Variants in CCT5 observed in about 807,000 individuals in gnomAD.
The protein encoded by CCT5 is T-complex protein 1 subunit epsilon.
Under a neutral mutation model 55.0 loss-of-function variants are expected in CCT5, and 6 were observed. The observed-to-expected ratio is 0.11, with a 90% CI of 0.06 to 0.22. The LOEUF (loss-of-function observed/expected upper bound fraction) is 0.22, where lower values mean the gene tolerates loss of function less well. Among genes scored for constraint, CCT5 ranks in the 10% least tolerant of loss-of-function variants. The pLI, the probability that CCT5 is intolerant of heterozygous loss-of-function variation, is 1.00. For missense variants in CCT5, 560 were observed against 694.6 expected, an observed-to-expected ratio of 0.81 and a Z score of 2.18; for synonymous variants, 231 against 243.7, an observed-to-expected ratio of 0.95 and a Z score of 0.49.
intron 9 of CCT5, 149 bp from the exon 10 acceptor site, chr5:10,262,985 T>C (rs1746040262): frequency 2.7e-6 from 2 of 730,330 alleles, no homozygotes; most frequent in Non-Finnish European, 4.8e-6. Flanking sequence ...CATTATAATA[T>C]TCTGATAGAT....
chr5:10,250,042 A>AGTGG, upstream of CCT5: 1 of 1,542,274 alleles, frequency 6.5e-7, no homozygotes, highest in South Asian at 1.2e-5. Context: ...AGAAACTATC[A>AGTGG]GTGGTAACGT....
chr5:10,259,285 G>C (rs2438654), intron 6 of CCT5, among the ~76,000 whole-genome samples: 112,342 of 152,144 alleles, frequency 0.74, 43,691 homozygotes, highest in East Asian at 0.87. Context: ...TTTGGGGGCT[G>C]CGTCCTTGGG....
Position 10,265,038 on chromosome 5 carries a change from G to A in CCT5, c.*255G>A. On this transcript the variant is annotated 3_prime_UTR_variant, in exon 11 of 11. Coordinates refer to ENST00000280326, the MANE Select transcript of CCT5 (RefSeq NM_012073.5). ...ACCTTTATCTTCTCTTCGGGTTTAA[G>A]AAACGTTTATTGTAACAGTAATTAA... 1 of 429,920 alleles carries A rather than the reference G, an allele frequency of 2.3e-6. No individual in the cohort carries two copies. Among genetic ancestry groups the A allele is most frequent in the Non-Finnish European group, 4.2e-6 (1 of 239,056 alleles). 26.6% of individuals were successfully genotyped at this position (429,920 alleles called of 1,614,324 possible). A position where few individuals can be genotyped will look rare whatever the true frequency, so the allele number is the denominator to read the frequency against.
At chr5:10,255,014 G>T in intron 3 of CCT5, 176 bp downstream of exon 3, 1 of 633,138 alleles carries the variant, frequency 1.6e-6, no homozygotes, top group Non-Finnish European at 2.8e-6. Flanking sequence ...TGTTACAAAA[G>T]AACAGAAAGA....
chr5:10,250,594 C>T (rs976065396), intron 1 of CCT5, 149 bp downstream of exon 1: 5 of 1,476,144 alleles, frequency 3.4e-6, no homozygotes, highest in South Asian at 2.7e-5. Flanking sequence ...GGCCGCTCAG[C>T]CCGCTTACTG....
Position 10,260,931 on chromosome 5 carries a change from G to T in CCT5, c.993+20G>T. On this transcript the variant is annotated intron_variant, in intron 7 of 10. Transcript: ENST00000280326. ...ATTGAGGTAGGATGTTCCACGTGAAGAGACTTTGAGAAGTAGGGGTTCATC... is the reference window on the plus strand; with the variant it reads ...ATTGAGGTAGGATGTTCCACGTGAATAGACTTTGAGAAGTAGGGGTTCATC... The T allele has an allele frequency of 6.2e-7, 1 of 1,613,686 alleles. No homozygotes were observed. Among genetic ancestry groups the T allele is most frequent in the Non-Finnish European group, 8.5e-7 (1 of 1,179,686 alleles).
intron 7 of CCT5, 134 bp downstream of exon 7, chr5:10,261,045 G>C: frequency 1.1e-6 from 1 of 901,654 alleles, no homozygotes; most frequent in Non-Finnish European, 1.9e-6. Context: ...AGCTGGGAGA[G>C]AGGAAAGCGC....
At position 10,256,104 on chromosome 5, in the gene CCT5, G is replaced by A. The variant is rs1407512090; in HGVS notation, c.481G>A (p.Asp161Asn). ...ISDSVLVDIK[D>N]TEPLIQTAKT... is the part of the protein sequence containing the mutation. ...CGATAGCGTCCTTGTTGACATAAAGGACACCGAACCCCTGATTCAGACAGC... is the reference window on the plus strand; with the variant it reads ...CGATAGCGTCCTTGTTGACATAAAGAACACCGAACCCCTGATTCAGACAGC... Residue 161 changes from aspartate to asparagine, a missense_variant, in exon 4 of 11, where the codon GAC becomes AAC. Asp to Asn is a conservative substitution (Grantham distance 23). Coordinates refer to ENST00000280326, the MANE Select transcript of CCT5 (RefSeq NM_012073.5). The A allele has an allele frequency of 3.1e-6, 5 of 1,613,796 alleles. No individual in the cohort carries two copies. The highest frequency in any genetic ancestry group is 2.2e-5 in the East Asian group (1 of 44,900).
At chr5:10,257,917 C>T in intron 4 of CCT5, 194 bp from the exon 5 acceptor site, 1 of 626,856 alleles carries the variant, frequency 1.6e-6, no homozygotes, top group Non-Finnish European at 2.8e-6. Context: ...GTATACAGTC[C>T]CCTTTAGGGC....
At position 10,261,554 on chromosome 5, in the gene CCT5, A is replaced by C. The variant is rs539339127; in HGVS notation, c.994-6A>C. On this transcript the variant is annotated splice_region_variant and splice_polypyrimidine_tract_variant and intron_variant, in intron 7 of 10. Transcript: ENST00000280326. The stretch of plus-strand genomic sequence containing the variant: ...CTTCATCCTTCTCCCTGACCACCCC[A>C]ATTAGCTGATTGCCATCGCAACAGG... The C allele has an allele frequency of 5.0e-6, 8 of 1,613,924 alleles. No individual in the cohort carries two copies. In the South Asian group the frequency reaches 8.8e-5, roughly 18 times the overall value.
chr5:10,254,658 A>G lies in CCT5; in HGVS notation c.167-16A>G, dbSNP rs551853603. The G allele has an allele frequency of 2.9e-5, 46 of 1,613,364 alleles. 1 individual carries two copies. In the East Asian group the frequency reaches 8.9e-4, roughly 31 times the overall value. ...GCCAGTTTTTTGCGCAAAGCCTACT[A>G]AACGTTGTTTTTTAGGGCTTGATAA... On this transcript the variant is annotated splice_polypyrimidine_tract_variant and intron_variant, in intron 2 of 10. Coordinates refer to ENST00000280326, the MANE Select transcript of CCT5 (RefSeq NM_012073.5).
At chr5:10,250,748 C>A (rs557016419) in intron 1 of CCT5, 28 of 1,240,794 alleles carry the variant, frequency 2.3e-5, no homozygotes, top group Non-Finnish European at 2.7e-5. Context: ...CCGCCCGGCT[C>A]CTCCAGCCTG....
In CCT5 at chr5:10,250,297, G is replaced by T. The variant is rs764027464; in HGVS notation, c.-44G>T. On this transcript the variant is annotated 5_prime_UTR_variant, in exon 1 of 11. Transcript: ENST00000280326. ...AGGGAAGTGCATTCTCGCTTCCGTA[G>T]CGGTCTCCGCCGGTTGGGGGGAAGT... is the stretch of plus-strand genomic sequence containing the variant. 1.2e-6 allele frequency: 2 copies of T among 1,613,480 alleles called. No individual in the cohort carries two copies. Among genetic ancestry groups the T allele is most frequent in the Non-Finnish European group, 1.7e-6 (2 of 1,179,902 alleles).
chr5:10,262,579 G>A lies in CCT5; in HGVS notation c.1278G>A (p.Glu426=). 6.2e-7 allele frequency: 1 copy of A among 1,614,254 alleles called. No individual in the cohort carries two copies. Among genetic ancestry groups the A allele is most frequent in the Non-Finnish European group, 8.5e-7 (1 of 1,180,040 alleles). The change falls in exon 9 of 11, where the codon GAG becomes GAA. Residue 426 remains glutamate, a synonymous_variant. Transcript: ENST00000280326. ...TGGTGTATGGAGGAGGGGCTGCTGA[G>A]ATATCCTGTGCCCTGGCAGTTAGCC... is the stretch of plus-strand genomic sequence containing the variant. The part of the protein sequence containing the change: ...NRVVYGGGAA[E]ISCALAVSQE...
At chr5:10,257,137 C>G (rs909102871) in intron 4 of CCT5, among the ~76,000 whole-genome samples, 1 of 152,178 alleles carries the variant, frequency 6.6e-6, no homozygotes, top group African/African-American at 2.4e-5. Flanking sequence ...GAGGGATCTT[C>G]TAAACTCAGA....
chr5:10,260,417 G>C (rs1388263872), intron 6 of CCT5, among the ~76,000 whole-genome samples: 1 of 152,212 alleles, frequency 6.6e-6, no homozygotes, highest in African/African-American at 2.4e-5. Flanking sequence ...AACATACTCA[G>C]GTGAAACTAC....
chr5:10,261,997 T>G (rs1017155747), intron 8 of CCT5: 5 of 469,436 alleles, frequency 1.1e-5, no homozygotes, highest in African/African-American at 9.9e-5. Context: ...TTTTAAATAC[T>G]TAAACACAGT....
Position 10,264,826 on chromosome 5 carries a change from A to G in CCT5, c.*43A>G. 6.2e-7 allele frequency: 1 copy of G among 1,609,626 alleles called. No homozygotes were observed. Among genetic ancestry groups the G allele is most frequent in the Non-Finnish European group, 8.5e-7 (1 of 1,176,204 alleles). On this transcript the variant is annotated 3_prime_UTR_variant, in exon 11 of 11. Coordinates refer to ENST00000280326, the MANE Select transcript of CCT5 (RefSeq NM_012073.5). Reference sequence around the variant, plus strand: ...TGTAGCAAGATCCACTTCTGTGATTAAGTAAATGGATGTCTCGTGATGCAT... The same window carrying G: ...TGTAGCAAGATCCACTTCTGTGATTGAGTAAATGGATGTCTCGTGATGCAT...
chr5:10,263,503 ATG>A (rs1746080279), intron 10 of CCT5, among the ~76,000 whole-genome samples, 189 bp downstream of exon 10: 1 of 152,246 alleles, frequency 6.6e-6, no homozygotes, highest in Admixed American at 6.5e-5. Context: ...ACCTAGCAAC[ATG>A]AGACTCATTG....
Sources: allele counts gnomAD v4.1 joint callset (sites outside exome capture counted in the v4.1 genomes callset), GRCh38; gene constraint gnomAD v4.1.1; transcripts MANE v1.5; gene names NCBI Gene and HGNC (gene_info 2026-07-23, HGNC 2026-07-21).